Variants in CSMD2 observed in about 807,000 individuals in gnomAD.
CSMD2 encodes CUB and Sushi multiple domains 2.
Under a neutral mutation model 398.5 loss-of-function variants are expected in CSMD2, and 130 were observed. The ratio of observed to expected loss-of-function variants is 0.33; its 90% CI spans 0.28 to 0.38. CSMD2 has a LOEUF of 0.38. CSMD2 is among the 10% of genes least tolerant of loss of function. The probability of loss-of-function intolerance (pLI) is 1.00; values close to 1 mark genes in which losing one functional copy is unlikely to be tolerated. For synonymous variants in CSMD2, 1,828 were observed against 1,908.5 expected, an observed-to-expected ratio of 0.96 and a Z score of 1.10; for missense variants, 3,829 against 4,764.9, an observed-to-expected ratio of 0.80 and a Z score of 5.78.
intron 3 of CSMD2, among the ~76,000 whole-genome samples, chr1:33,980,997 G>T (rs996556289): frequency 1.3e-5 from 2 of 152,122 alleles, no homozygotes; most frequent in South Asian, 2.1e-4. Flanking sequence ...GGAGGGAAAA[G>T]TTACTTCAGA....
chr1:34,135,069 G>C (rs553300960), intron 1 of CSMD2, among the ~76,000 whole-genome samples: 1 of 152,264 alleles, frequency 6.6e-6, no homozygotes, highest in South Asian at 2.1e-4. Flanking sequence ...CAAGCAATCT[G>C]TATTTTAACA....
chr1:33,605,225 G>A (rs1640509028), intron 42 of CSMD2, 57 bp downstream of exon 42: 2 of 1,514,472 alleles, frequency 1.3e-6, no homozygotes, highest in Non-Finnish European at 1.8e-6. Context: ...GGATTGCTCT[G>A]GACCAGTCTC....
chr1:33,949,398 G>A (rs1009590761), intron 3 of CSMD2, among the ~76,000 whole-genome samples: 2 of 152,160 alleles, frequency 1.3e-5, no homozygotes, highest in East Asian at 2.0e-4. Context: ...GCTCTGCCAG[G>A]CAGGCGGCAT....
intron 45 of CSMD2, 31 bp from the exon 46 acceptor site, chr1:33,586,648 C>T (rs949226687): frequency 7.1e-7 from 1 of 1,417,852 alleles, no homozygotes; most frequent in Non-Finnish European, 1.0e-6. Flanking sequence ...TGTAGACCCT[C>T]TTAAGAAGTC....
chr1:33,615,822 G>A (rs1156453442), intron 39 of CSMD2, among the ~76,000 whole-genome samples: 1 of 152,238 alleles, frequency 6.6e-6, no homozygotes, highest in South Asian at 2.1e-4. Context: ...TGAAACCACA[G>A]AAGAGAAATG....
At chr1:33,897,754 C>T (rs1642486581) in intron 5 of CSMD2, among the ~76,000 whole-genome samples, 1 of 152,222 alleles carries the variant, frequency 6.6e-6, no homozygotes, top group Non-Finnish European at 1.5e-5. Context: ...CAGGGAACCT[C>T]ACTGAGCGTC....
At chr1:34,045,762 C>A (rs1652451015) in intron 2 of CSMD2, among the ~76,000 whole-genome samples, 1 of 152,208 alleles carries the variant, frequency 6.6e-6, no homozygotes, top group Admixed American at 6.5e-5. Context: ...CCTCTAAGCA[C>A]ACTCGCTCCA....
chr1:33,966,617 G>A (rs1645566700), intron 3 of CSMD2, among the ~76,000 whole-genome samples: 1 of 152,166 alleles, frequency 6.6e-6, no homozygotes, highest in African/African-American at 2.4e-5. Context: ...AGTAAGCGAG[G>A]GAGTCTAAGG....
intron 29 of CSMD2, among the ~76,000 whole-genome samples, chr1:33,643,892 AG>A (rs1643259622): frequency 2.4e-5 from 1 of 41,080 alleles, no homozygotes; most frequent in Admixed American, 2.1e-4. Context: ...CTGGGAATGA[AG>A]GAAGGAAGGA....
intron 2 of CSMD2, among the ~76,000 whole-genome samples, chr1:34,069,562 G>A (rs942391601): frequency 6.6e-6 from 1 of 152,176 alleles, no homozygotes; most frequent in Non-Finnish European, 1.5e-5. Flanking sequence ...TCAACCCCAG[G>A]AGTGCCTGAC....
chr1:33,571,694 C>A lies in CSMD2; in HGVS notation c.7795G>T (p.Val2599Leu). ...VTCPDVSSIS[V>L]EHGRWRLIFE... Reference sequence around the variant, plus strand: ...ATAAGCCTCCATCGGCCATGCTCCACGCTGATGCTACTGACATCAGGACAA... The same window carrying A: ...ATAAGCCTCCATCGGCCATGCTCCAAGCTGATGCTACTGACATCAGGACAA... The change falls in exon 51 of 71, where the codon GTG becomes TTG. Residue 2599 changes from valine (V) to leucine (L), a missense_variant. Val to Leu is a conservative substitution (Grantham distance 32). This residue lies in a region of CSMD2 where 723 missense variants were observed against 758.6 expected (regional missense o/e 0.95). Transcript: ENST00000373381. 6.5e-7 allele frequency: 1 copy of A among 1,541,370 alleles called. No homozygotes were observed. The highest frequency in any genetic ancestry group is 8.8e-7 in the Non-Finnish European group (1 of 1,131,900).
intron 6 of CSMD2, among the ~76,000 whole-genome samples, chr1:33,830,019 G>A (rs1026876199): frequency 1.3e-5 from 2 of 152,228 alleles, no homozygotes; most frequent in African/African-American, 4.8e-5. Flanking sequence ...CTCGAACTGG[G>A]TGGAGTGCAC....
chr1:33,961,370 C>T (rs1334494279), intron 3 of CSMD2, among the ~76,000 whole-genome samples: 1 of 152,244 alleles, frequency 6.6e-6, no homozygotes, highest in African/African-American at 2.4e-5. Context: ...GAGCTGCGCT[C>T]ACTGGGACAG....
rs144539492 is a variant in CSMD2, at chr1:33,519,626, A to G, written c.10788T>C (p.Asn3596=). The G allele has an allele frequency of 2.9e-5, 47 of 1,613,776 alleles. No individual in the cohort carries two copies. The highest frequency in any genetic ancestry group is 3.9e-5 in the Non-Finnish European group (46 of 1,179,982). Residue 3596 remains asparagine (N), a synonymous_variant, in exon 70 of 71, where the codon AAT becomes AAC. Coordinates refer to ENST00000373381, the MANE Select transcript of CSMD2 (RefSeq NM_001281956.2). The surrounding 1 kb of genome is among the most constrained non-coding windows in gnomAD (Gnocchi z 5.6). ...TTGGGTTCTCAAATGTGGCCCGAAC[A>G]TTGGTGTTCTCGTGGCCAGCATAGC... is the stretch of plus-strand genomic sequence containing the variant. ...FNGYAGHENT[N]VRATFENPMY...
Position 33,739,311 on chromosome 1 carries a change from C to A in CSMD2, c.2197G>T (p.Asp733Tyr). 3 of 1,613,656 alleles carry A rather than the reference C, an allele frequency of 1.9e-6. No homozygotes were observed. The highest frequency in any genetic ancestry group is 2.5e-6 in the Non-Finnish European group (3 of 1,179,716). Residue 733 changes from aspartate (D) to tyrosine (Y), a missense_variant, in exon 15 of 71, where the codon GAT becomes TAT. By Grantham distance (160) the Asp-to-Tyr change is radical. This residue lies in a region of CSMD2 where 2,001 missense variants were observed against 2,567.1 expected (regional missense o/e 0.78). Coordinates refer to ENST00000373381, the MANE Select transcript of CSMD2 (RefSeq NM_001281956.2). ...TTGCCATTTACTGGAACGCCAGGATCCGGGCACTCGTTGTGTCGGAAGGCT... is the reference window on the plus strand; with the variant it reads ...TTGCCATTTACTGGAACGCCAGGATACGGGCACTCGTTGTGTCGGAAGGCT... Reference protein sequence around the residue: ...FTTFRHNECPDPGVPVNGKRF... With the variant: ...FTTFRHNECPYPGVPVNGKRF...
intron 6 of CSMD2, among the ~76,000 whole-genome samples, chr1:33,830,360 T>C (rs7528904): frequency 0.76 from 114,928 of 151,894 alleles, 43,855 homozygotes; most frequent in East Asian, 0.94. Context: ...CACGAAAATC[T>C]GCTGTTCTGC....
At chr1:33,534,458 G>A (rs1047149177) in intron 62 of CSMD2, among the ~76,000 whole-genome samples, 23 of 152,080 alleles carry the variant, frequency 1.5e-4, no homozygotes, top group African/African-American at 4.3e-4. Flanking sequence ...TCTGTTGAAC[G>A]AACTGCCACC....
Position 33,624,466 on chromosome 1 carries a change from T to C in CSMD2, c.5625+53A>G. On this transcript the variant is annotated intron_variant, in intron 35 of 70. Coordinates refer to ENST00000373381, the MANE Select transcript of CSMD2 (RefSeq NM_001281956.2). The surrounding 1 kb of genome is among the most constrained non-coding windows in gnomAD (Gnocchi z 4.7). ...ACCTGTGGTTGTCACCTGTGAGCTG[T>C]TACCTGGGAGCAGACGGCCACCTGC... The C allele has an allele frequency of 6.2e-7, 1 of 1,600,330 alleles. No individual in the cohort carries two copies. The highest frequency in any genetic ancestry group is 8.5e-7 in the Non-Finnish European group (1 of 1,172,604).
intron 32 of CSMD2, among the ~76,000 whole-genome samples, chr1:33,627,563 A>T (rs78589567): frequency 6.6e-6 from 1 of 152,166 alleles, no homozygotes; most frequent in Admixed American, 6.5e-5. Flanking sequence ...GTTGGGACCC[A>T]CAACGGAACT....
Sources: gnomAD v4.1 joint callset for allele counts (sites outside exome capture counted in the v4.1 genomes callset) on GRCh38, gnomAD v4.1.1 for gene constraint, gnomAD v4.1.1 regional missense constraint, Gnocchi (gnomAD v3.1) non-coding constraint, MANE v1.5 for transcripts, NCBI Gene and HGNC (gene_info 2026-07-23, HGNC 2026-07-21) for gene names.